Variants in SCHIP1 observed in about 807,000 individuals in gnomAD.
The protein encoded by SCHIP1 is schwannomin-interacting protein 1.
A neutral mutation model predicts 29.7 loss-of-function variants in SCHIP1; 8 were observed. The observed-to-expected ratio is 0.27, with a 90% confidence interval of 0.16 to 0.49. The LOEUF (loss-of-function observed/expected upper bound fraction) is 0.49. Ranked by LOEUF, SCHIP1 falls within the 20% of genes least tolerant of loss-of-function variation. The pLI, the probability that SCHIP1 is intolerant of heterozygous loss-of-function variation, is 0.99. For synonymous variants in SCHIP1, 76 were observed against 94.9 expected (o/e 0.80, Z 1.16); for missense variants, 193 against 294.6 (o/e 0.66, Z 2.52).
chr3:159,743,819 G>A, the SCHIP1 span, among the ~76,000 whole-genome samples: 13 of 152,240 alleles, frequency 8.5e-5, no homozygotes, highest in Non-Finnish European at 1.6e-4. Flanking sequence ...CCATTGGTAG[G>A]AAAATGGGTA....
At chr3:159,377,655 C>T in the SCHIP1 span, among the ~76,000 whole-genome samples, 55 of 152,156 alleles carry the variant, frequency 3.6e-4, 1 homozygote, top group Middle Eastern at 3.4e-3. Flanking sequence ...CCTTTACATT[C>T]GAGTAATTTT....
At chr3:159,714,816 G>T in the SCHIP1 span, among the ~76,000 whole-genome samples, 56 of 152,310 alleles carry the variant, frequency 3.7e-4, no homozygotes, top group Middle Eastern at 0.017. Context: ...CCACCTCTGG[G>T]AGCAGGGCAT....
the SCHIP1 span, among the ~76,000 whole-genome samples, chr3:159,293,202 G>C: frequency 6.6e-6 from 1 of 152,202 alleles, no homozygotes; most frequent in Non-Finnish European, 1.5e-5. Context: ...AGAGATGCTA[G>C]AACAAAATTC....
chr3:159,295,834 A>G, the SCHIP1 span, among the ~76,000 whole-genome samples: 1 of 152,246 alleles, frequency 6.6e-6, no homozygotes, highest in Non-Finnish European at 1.5e-5. Flanking sequence ...TATATTCTAC[A>G]TAATGGATAT....
At chr3:159,794,364 A>T in the SCHIP1 span, among the ~76,000 whole-genome samples, 1 of 152,222 alleles carries the variant, frequency 6.6e-6, no homozygotes, top group African/African-American at 2.4e-5. Flanking sequence ...CAGGTGCTTT[A>T]ATAGCTTGTT....
At chr3:159,320,430 C>T in the SCHIP1 span, among the ~76,000 whole-genome samples, 2 of 152,150 alleles carry the variant, frequency 1.3e-5, no homozygotes, top group East Asian at 3.9e-4. Context: ...AACAAATTTC[C>T]GTTGTTTATA....
At chr3:159,765,143 G>C in the SCHIP1 span, 2 of 1,552,960 alleles carry the variant, frequency 1.3e-6, no homozygotes, top group Non-Finnish European at 1.7e-6. Flanking sequence ...ACCTCCGTAA[G>C]TTGGCCGGGG....
the SCHIP1 span, among the ~76,000 whole-genome samples, chr3:159,607,677 A>G: frequency 6.6e-6 from 1 of 152,150 alleles, no homozygotes; most frequent in African/African-American, 2.4e-5. Flanking sequence ...AGGAAACCTA[A>G]GCGTAGGAGG....
At chr3:159,417,427 C>A in the SCHIP1 span, among the ~76,000 whole-genome samples, 1 of 152,132 alleles carries the variant, frequency 6.6e-6, no homozygotes, top group African/African-American at 2.4e-5. Flanking sequence ...GGTAAGCATA[C>A]GAATTATACA....
At chr3:159,274,541 C>A in the SCHIP1 span, 2 of 770,248 alleles carry the variant, frequency 2.6e-6, no homozygotes, top group Non-Finnish European at 3.2e-6. Flanking sequence ...CAATTTAAAT[C>A]TTCAAACCAG....
At chr3:159,435,000 A>G in the SCHIP1 span, among the ~76,000 whole-genome samples, 4 of 152,288 alleles carry the variant, frequency 2.6e-5, no homozygotes, top group Non-Finnish European at 5.9e-5. Flanking sequence ...ACCACAGACC[A>G]TGGACAGCAA....
the SCHIP1 span, among the ~76,000 whole-genome samples, chr3:159,619,406 T>A: frequency 1.6e-4 from 25 of 152,178 alleles, no homozygotes; most frequent in African/African-American, 6.0e-4. Context: ...CTGGAGCCAT[T>A]GCCATTGGTT....
chr3:159,447,214 A>G, the SCHIP1 span, among the ~76,000 whole-genome samples: 1 of 152,204 alleles, frequency 6.6e-6, no homozygotes, highest in South Asian at 2.1e-4. Flanking sequence ...AATGGAGGTA[A>G]AAAGATCAAC....
the SCHIP1 span, among the ~76,000 whole-genome samples, chr3:159,300,303 G>T: frequency 5.8e-4 from 88 of 151,326 alleles, 2 homozygotes; most frequent in Non-Finnish European, 1.0e-3. Context: ...TTTTTAAAAA[G>T]ATTTTTTTTT....
chr3:159,509,940 T>C, the SCHIP1 span, among the ~76,000 whole-genome samples: 18 of 152,186 alleles, frequency 1.2e-4, no homozygotes, highest in Middle Eastern at 3.2e-3. Flanking sequence ...CTGACAATTA[T>C]GTGTCTTGGA....
At chr3:159,615,992 T>C in the SCHIP1 span, among the ~76,000 whole-genome samples, 2 of 152,194 alleles carry the variant, frequency 1.3e-5, no homozygotes, top group Non-Finnish European at 2.9e-5. Context: ...CCAGAGAGTC[T>C]ATCTGAGGCC....
the SCHIP1 span, among the ~76,000 whole-genome samples, chr3:159,394,650 T>C: frequency 6.6e-6 from 1 of 152,078 alleles, no homozygotes; most frequent in Non-Finnish European, 1.5e-5. Flanking sequence ...CAGCCTTGCA[T>C]CCCAGGGATG....
At chr3:159,502,445 C>A in the SCHIP1 span, among the ~76,000 whole-genome samples, 43 of 151,764 alleles carry the variant, frequency 2.8e-4, no homozygotes, top group Admixed American at 1.3e-3. Flanking sequence ...CAGGGCAGAC[C>A]CACATATAGT....
chr3:159,432,578 G>A, the SCHIP1 span, among the ~76,000 whole-genome samples: 1 of 152,072 alleles, frequency 6.6e-6, no homozygotes, highest in Non-Finnish European at 1.5e-5. Flanking sequence ...ACTACCACTG[G>A]CAACTAGGTC....
Sources: gnomAD v4.1 joint callset for allele counts (sites outside exome capture counted in the v4.1 genomes callset) on GRCh38, gnomAD v4.1.1 for gene constraint, MANE v1.5 for transcripts, NCBI Gene and HGNC (gene_info 2026-07-23, HGNC 2026-07-21) for gene names.